Variants in ALS2 observed in about 807,000 individuals in gnomAD.
ALS2 encodes the protein alsin.
ALS2 carries 117 observed loss-of-function variants against 203.4 expected under a neutral mutation model. The ratio of observed to expected loss-of-function variants is 0.58; its 90% CI spans 0.50 to 0.67. The LOEUF is 0.67. ALS2 is among the 30% of genes least tolerant of loss of function. The probability of loss-of-function intolerance (pLI) is 0.00; values close to 1 mark genes in which losing one functional copy is unlikely to be tolerated. For missense variants in ALS2, 1,715 were observed against 1,989.4 expected (o/e 0.86, Z 2.62); for synonymous variants, 718 against 725.9 (o/e 0.99, Z 0.17).
In ALS2 at chr2:201,705,204, C is replaced by CA; in HGVS notation, c.4627-5dup. The CA allele has an allele frequency of 1.2e-6, 2 of 1,613,720 alleles. No homozygotes were observed. The highest frequency in any genetic ancestry group is 1.7e-6 in the Non-Finnish European group (2 of 1,179,796). On this transcript the variant is annotated splice_region_variant and splice_polypyrimidine_tract_variant and intron_variant, in intron 30 of 33. Transcript: ENST00000264276. Reference sequence around the variant, plus strand: ...CATCTTTCGTGGTTGGCAAAACCTGCAAAAAAGAGAGTGAAGGTCAAGGAG... The same window carrying CA: ...CATCTTTCGTGGTTGGCAAAACCTGCAAAAAAAGAGAGTGAAGGTCAAGGAG...
In ALS2 at chr2:201,727,688, A is replaced by C; in HGVS notation, c.2912+17T>G. 9 of 1,089,978 alleles carry C rather than the reference A, an allele frequency of 8.3e-6. No homozygotes were observed. Among genetic ancestry groups the C allele is most frequent in the Non-Finnish European group, 1.0e-5 (8 of 793,148 alleles). The allele number at this position is 1,089,978 out of a possible 1,614,324, so 67.5% of individuals were successfully genotyped here. Reference sequence around the variant, plus strand: ...CAGACTTGGACGGGGTGGGGTGGGGAGGGGGGACGCACTTACACACCACCA... The same window carrying C: ...CAGACTTGGACGGGGTGGGGTGGGGCGGGGGGACGCACTTACACACCACCA... On this transcript the variant is annotated intron_variant, in intron 16 of 33. Coordinates refer to ENST00000264276, the MANE Select transcript of ALS2 (RefSeq NM_020919.4).
At position 201,715,810 on chromosome 2, in the gene ALS2, GCTGGCA is replaced by G. The variant is rs759145161; in HGVS notation, c.3860_3865del (p.Val1287_Pro1288del). ...AAACACCGCTTTCCACTTCTCATCA[GCTGGCA>G]CTGCCAGGTTTCCTAGCTTCCTGCT... On this transcript the variant is annotated inframe_deletion, in exon 25 of 34. Coordinates refer to ENST00000264276, the MANE Select transcript of ALS2 (RefSeq NM_020919.4). 4.9e-5 allele frequency: 79 copies of G among 1,614,162 alleles called. No individual in the cohort carries two copies. In the African/African-American group the frequency reaches 9.5e-4, roughly 19 times the overall value.
At chr2:201,774,403 T>C (rs1694560672) in intron 1 of ALS2, among the ~76,000 whole-genome samples, 2 of 152,210 alleles carry the variant, frequency 1.3e-5, no homozygotes, top group Admixed American at 6.5e-5. Flanking sequence ...AAGGGTTCCA[T>C]ATGATGGTAC....
chr2:201,728,363 G>A, intron 15 of ALS2, 149 bp downstream of exon 15: 1 of 1,114,132 alleles, frequency 9.0e-7, no homozygotes, highest in Non-Finnish European at 1.3e-6. Flanking sequence ...TTTTGTCCTT[G>A]CTATAGTTTG....
chr2:201,729,152 G>A lies in ALS2; in HGVS notation c.2612C>T (p.Ser871Phe). 6.2e-7 allele frequency: 1 copy of A among 1,613,252 alleles called. No individual in the cohort carries two copies. The highest frequency in any genetic ancestry group is 8.5e-7 in the Non-Finnish European group (1 of 1,179,866). Reference sequence around the variant, plus strand: ...AGCAAGACACTCATAACAAGAACTGGAATCCTGCAGTTTCTGATATTCTGG... The same window carrying A: ...AGCAAGACACTCATAACAAGAACTGAAATCCTGCAGTTTCTGATATTCTGG... ...ASPEYQKLQD[S>F]SSCYECLALH... Residue 871 changes from serine to phenylalanine, a missense_variant, in exon 14 of 34, where the codon TCC becomes TTC. Around this residue, in one of 3 missense-constraint regions of ALS2, gnomAD observed 1,227 missense variants for 1,413.5 expected, o/e 0.87. Transcript: ENST00000264276.
At chr2:201,742,784 T>C in intron 10 of ALS2, among the ~76,000 whole-genome samples, 1 of 152,088 alleles carries the variant, frequency 6.6e-6, no homozygotes, top group East Asian at 1.9e-4. Flanking sequence ...CTAGAAACAA[T>C]GGGCAGGCCG....
rs933030223 is a variant in ALS2, at chr2:201,709,828, T to C, written c.4280+53A>G. The C allele has an allele frequency of 1.9e-6, 3 of 1,608,572 alleles. No individual in the cohort carries two copies. In the African/African-American group the frequency reaches 4.0e-5, roughly 21 times the overall value. ...ATTCAGGGTGAAACTACCCAAGCAC[T>C]GGTATAAAATAGTATTCCATAGCCC... is the stretch of plus-strand genomic sequence containing the variant. On this transcript the variant is annotated intron_variant, in intron 27 of 33. Transcript: ENST00000264276.
At chr2:201,706,152 G>A (rs1440011284) in intron 29 of ALS2, among the ~76,000 whole-genome samples, 2 of 149,872 alleles carry the variant, frequency 1.3e-5, no homozygotes, top group African/African-American at 2.5e-5. Context: ...TTGGGAGGCC[G>A]AGGCGAGCAG....
At chr2:201,732,758 T>C (rs1247319754) in intron 13 of ALS2, among the ~76,000 whole-genome samples, 2 of 152,192 alleles carry the variant, frequency 1.3e-5, no homozygotes, top group Non-Finnish European at 2.9e-5. Context: ...TTCCTAGGAT[T>C]CCACCTAACT....
rs189162918 is a variant in ALS2 at position 201,700,391 on chromosome 2, G to A, written c.*1460C>T. Among the ~76,000 whole-genome samples, 4 of 152,226 alleles carry A rather than the reference G, an allele frequency of 2.6e-5. No individual in the cohort carries two copies. In the East Asian group the frequency reaches 5.8e-4, roughly 22 times the overall value. ...AAGGGTGCTATAACTATTGGTTTAC[G>A]TTTATTTTAAAGACAGAGATTTCTA... On this transcript the variant is annotated 3_prime_UTR_variant, in exon 34 of 34. Coordinates refer to ENST00000264276, the MANE Select transcript of ALS2 (RefSeq NM_020919.4).
chr2:201,779,617 ATATT>A lies in ALS2; in HGVS notation c.-61+1256_-61+1259del, dbSNP rs1360892528. 2.6e-5 allele frequency among the ~76,000 whole-genome samples: 4 copies of A among 152,240 alleles called. No individual in the cohort carries two copies. In the East Asian group the frequency reaches 7.7e-4, roughly 29 times the overall value. On this transcript the variant is annotated intron_variant, in intron 1 of 33. Transcript: ENST00000264276. ...TATAAAAACAGCTAATATGTATTGA[ATATT>A]TACCATAAAACAGGCACTGTAATAA...
chr2:201,749,812 T>C, intron 7 of ALS2, 23 bp from the exon 8 acceptor site: 1 of 1,596,248 alleles, frequency 6.3e-7, no homozygotes, highest in Non-Finnish European at 8.6e-7. Context: ...CACAGAAAAG[T>C]AGCTAAGCGT....
At chr2:201,711,684 G>A (rs1451812514) in intron 25 of ALS2, among the ~76,000 whole-genome samples, 3 of 152,120 alleles carry the variant, frequency 2.0e-5, no homozygotes, top group East Asian at 1.9e-4. Flanking sequence ...GAAAACACAC[G>A]CTAGTAATCA....
rs1689409882 is a variant in ALS2 at position 201,701,845 on chromosome 2, T to A, written c.*6A>T. On this transcript the variant is annotated 3_prime_UTR_variant, in exon 34 of 34. Coordinates refer to ENST00000264276, the MANE Select transcript of ALS2 (RefSeq NM_020919.4). Reference sequence around the variant, plus strand: ...AGATAATCCAGTTTTCAAGCTGTTATGCAGCCTAGTTAAGCTTCTCACGCT... The same window carrying A: ...AGATAATCCAGTTTTCAAGCTGTTAAGCAGCCTAGTTAAGCTTCTCACGCT... 1.9e-6 allele frequency: 3 copies of A among 1,613,702 alleles called. No homozygotes were observed. The highest frequency in any genetic ancestry group is 2.5e-6 in the Non-Finnish European group (3 of 1,179,756).
chr2:201,778,453 G>C (rs1302266494), intron 1 of ALS2: 6 of 152,052 alleles, frequency 3.9e-5, no homozygotes, highest in African/African-American at 1.2e-4. Context: ...GGATCAATCA[G>C]TTCAGCTACA....
At chr2:201,720,724 CACACACACACACAA>C (rs1282863823) in intron 23 of ALS2, among the ~76,000 whole-genome samples, 2 of 151,432 alleles carry the variant, frequency 1.3e-5, no homozygotes, top group African/African-American at 4.9e-5. Context: ...AACACACACA[CACACACACACACAA>C]ACACACACAC....
chr2:201,757,838 TATC>T, intron 4 of ALS2, 79 bp from the exon 5 acceptor site: 1 of 1,086,028 alleles, frequency 9.2e-7, no homozygotes, highest in Non-Finnish European at 1.3e-6. Context: ...GAAAGGCTAA[TATC>T]CATCGCTATT....
chr2:201,736,661 T>C (rs1691892928), intron 12 of ALS2, among the ~76,000 whole-genome samples: 1 of 151,996 alleles, frequency 6.6e-6, no homozygotes, highest in African/African-American at 2.4e-5. Context: ...TTGAAAAAAT[T>C]AATTTAAAAA....
Position 201,707,846 on chromosome 2 carries a change from T to C in ALS2, c.4403+23A>G, listed in dbSNP as rs775146442. ...TCTAGTCACCATTCCCTTTCTTCAC[T>C]GTCCCCACCCAACTCCATTTACCCT... On this transcript the variant is annotated intron_variant, in intron 28 of 33. Transcript: ENST00000264276. 177 of 1,611,218 alleles carry C rather than the reference T, an allele frequency of 1.1e-4. 3 individuals carry two copies. The South Asian group carries it at 1.7e-3, about 16-fold the overall frequency.
Sources: gnomAD v4.1 joint callset for allele counts (sites outside exome capture counted in the v4.1 genomes callset) on GRCh38, gnomAD v4.1.1 for gene constraint, gnomAD v4.1.1 regional missense constraint, MANE v1.5 for transcripts, NCBI Gene and HGNC (gene_info 2026-07-23, HGNC 2026-07-21) for gene names.